REDIC1: variants seen among roughly 807,000 people sequenced by gnomAD.
REDIC1 encodes HEI10 Interacting Protein 1.
the REDIC1 span, chr12:39,721,187 A>G: frequency 1.9e-6 from 3 of 1,613,624 alleles, no homozygotes; most frequent in Non-Finnish European, 2.5e-6. Flanking sequence ...TGCAACCTTG[A>G]AAGGTGCAGT....
the REDIC1 span, among the ~76,000 whole-genome samples, chr12:39,728,582 A>T: frequency 6.6e-6 from 1 of 152,076 alleles, no homozygotes; most frequent in African/African-American, 2.4e-5. Flanking sequence ...ATTGATGTTC[A>T]TCAGGCATAT....
At chr12:39,675,264 A>G in the REDIC1 span, among the ~76,000 whole-genome samples, 1 of 152,176 alleles carries the variant, frequency 6.6e-6, no homozygotes, top group South Asian at 2.1e-4. Context: ...GGCTGCAGCA[A>G]GCACTGCCCA....
chr12:39,683,006 C>T, the REDIC1 span: 2 of 1,613,230 alleles, frequency 1.2e-6, no homozygotes, highest in Non-Finnish European at 1.7e-6. Flanking sequence ...AGTAATTCGA[C>T]TTTGAATAAA....
At chr12:39,746,047 G>C in the REDIC1 span, 8 of 152,672 alleles carry the variant, frequency 5.2e-5, no homozygotes, top group African/African-American at 1.9e-4. Flanking sequence ...TCCAACTGAG[G>C]TACTGGGTTC....
the REDIC1 span, chr12:39,647,741 T>C: frequency 8.0e-7 from 1 of 1,255,514 alleles, no homozygotes; most frequent in Non-Finnish European, 1.1e-6. Flanking sequence ...TTTCCTCTTC[T>C]CTAGTTTATA....
the REDIC1 span, among the ~76,000 whole-genome samples, chr12:39,749,157 A>G: frequency 0.13 from 20,359 of 152,196 alleles, 1,643 homozygotes; most frequent in East Asian, 0.39. Flanking sequence ...GATCAAAAAA[A>G]TTGATAGACC....
At chr12:39,749,051 G>A in the REDIC1 span, among the ~76,000 whole-genome samples, 4 of 151,996 alleles carry the variant, frequency 2.6e-5, no homozygotes, top group Admixed American at 2.6e-4. Context: ...CTAGCAGAAG[G>A]CAAGAAATAA....
chr12:39,865,696 G>C, the REDIC1 span, among the ~76,000 whole-genome samples: 1 of 152,198 alleles, frequency 6.6e-6, no homozygotes, highest in Non-Finnish European at 1.5e-5. Context: ...CTATGCAGCT[G>C]TAAAAAAGAA....
the REDIC1 span, among the ~76,000 whole-genome samples, chr12:39,882,020 G>C: frequency 6.6e-6 from 1 of 151,958 alleles, no homozygotes; most frequent in African/African-American, 2.4e-5. Context: ...GGCCAGCACA[G>C]CCTACTCTCA....
the REDIC1 span, among the ~76,000 whole-genome samples, chr12:39,753,162 A>T: frequency 6.6e-6 from 1 of 152,216 alleles, no homozygotes; most frequent in South Asian, 2.1e-4. Flanking sequence ...CATGCTGATG[A>T]TCTGAAATTA....
chr12:39,775,012 T>G, the REDIC1 span, among the ~76,000 whole-genome samples: 174 of 152,298 alleles, frequency 1.1e-3, no homozygotes, highest in South Asian at 6.2e-3. Flanking sequence ...ATTTGAACAT[T>G]AGAATATTCA....
At chr12:39,823,537 T>G in the REDIC1 span, among the ~76,000 whole-genome samples, 1 of 152,232 alleles carries the variant, frequency 6.6e-6, no homozygotes, top group Non-Finnish European at 1.5e-5. Context: ...ATAGATGAAC[T>G]GCTTCCCTGG....
At chr12:39,887,579 A>C in the REDIC1 span, among the ~76,000 whole-genome samples, 1 of 152,198 alleles carries the variant, frequency 6.6e-6, no homozygotes, top group Non-Finnish European at 1.5e-5. Context: ...AAATTATTAG[A>C]TTTTGAGCAG....
chr12:39,884,354 C>T, the REDIC1 span, among the ~76,000 whole-genome samples: 2 of 152,150 alleles, frequency 1.3e-5, no homozygotes, highest in Non-Finnish European at 2.9e-5. Context: ...AAATAAAAGA[C>T]CCTTTAATTT....
At chr12:39,635,177 A>G in the REDIC1 span, among the ~76,000 whole-genome samples, 1 of 152,182 alleles carries the variant, frequency 6.6e-6, no homozygotes, top group East Asian at 1.9e-4. Context: ...AAATAGGAAC[A>G]CTTTTACACT....
chr12:39,750,025 T>G, the REDIC1 span, among the ~76,000 whole-genome samples: 5 of 152,208 alleles, frequency 3.3e-5, no homozygotes, highest in Non-Finnish European at 7.3e-5. Context: ...GGATGCCCTC[T>G]CTCACCACTC....
chr12:39,874,764 AAG>A, the REDIC1 span, among the ~76,000 whole-genome samples: 7 of 152,208 alleles, frequency 4.6e-5, no homozygotes, highest in African/African-American at 1.7e-4. Flanking sequence ...GCGAAGTTTA[AAG>A]AGAAATAACA....
the REDIC1 span, among the ~76,000 whole-genome samples, chr12:39,743,312 CA>C: frequency 3.9e-5 from 6 of 152,052 alleles, no homozygotes; most frequent in Non-Finnish European, 8.8e-5. Context: ...GTTCACAGGC[CA>C]GGGGCACCAG....
At chr12:39,801,958 C>A in the REDIC1 span, among the ~76,000 whole-genome samples, 3 of 152,156 alleles carry the variant, frequency 2.0e-5, no homozygotes, top group African/African-American at 7.2e-5. Flanking sequence ...TCCTCATTCC[C>A]ACAGAGCTTA....
Sources: gnomAD v4.1 joint callset for allele counts (sites outside exome capture counted in the v4.1 genomes callset) on GRCh38, gnomAD v4.1.1 for gene constraint, MANE v1.5 for transcripts, NCBI Gene and HGNC (gene_info 2026-07-23, HGNC 2026-07-21) for gene names.